Variants in CNIH1 observed in about 807,000 individuals in gnomAD.
CNIH1 encodes the protein protein cornichon homolog 1.
Under a neutral mutation model 20.2 loss-of-function variants are expected in CNIH1, and 12 were observed. The observed-to-expected ratio is 0.59, with a 90% CI of 0.38 to 0.96. The LOEUF is 0.96. CNIH1 is among the 40% of genes least tolerant of loss of function. The pLI, the probability that CNIH1 is intolerant of heterozygous loss-of-function variation, is 0.00. For missense variants in CNIH1, 152 were observed against 178.8 expected (o/e 0.85, Z 0.85); for synonymous variants, 69 against 63.3 (o/e 1.09, Z -0.43).
At chr14:54,430,833 T>G in intron 3 of CNIH1, among the ~76,000 whole-genome samples, 1 of 152,246 alleles carries the variant, frequency 6.6e-6, no homozygotes, top group East Asian at 1.9e-4. Context: ...GTTTTGTTTT[T>G]TTGTTGTTGT....
chr14:54,427,547 G>C lies in CNIH1; in HGVS notation c.*267C>G. 6.6e-6 allele frequency: 3 copies of C among 453,990 alleles called. No individual in the cohort carries two copies. The allele number at this position is 453,990 out of a possible 1,614,324, so 28.1% of individuals were successfully genotyped here. A position where few individuals can be genotyped will look rare whatever the true frequency, so the allele number is the denominator to read the frequency against. On this transcript the variant is annotated 3_prime_UTR_variant, in exon 5 of 5. Coordinates refer to ENST00000216416, the MANE Select transcript of CNIH1 (RefSeq NM_005776.3). ...GGATTATGGCTGTTCCTTAAGAAGT[G>C]CAAGTTCAAACCTGTCAACACCAGA... is the stretch of plus-strand genomic sequence containing the variant.
Position 54,426,058 on chromosome 14 carries a change from G to C in CNIH1, c.*1756C>G, listed in dbSNP as rs1232734742. ...CATGCTGATGTAATCAGGTGGACTGGAAACTGAATGACTGCCTGTGCTCAA... is the reference window on the plus strand; with the variant it reads ...CATGCTGATGTAATCAGGTGGACTGCAAACTGAATGACTGCCTGTGCTCAA... On this transcript the variant is annotated 3_prime_UTR_variant, in exon 5 of 5. Transcript: ENST00000216416. 1 of 152,176 alleles carries C rather than the reference G, an allele frequency of 6.6e-6. No homozygotes were observed. The highest frequency in any genetic ancestry group is 2.4e-5 in the African/African-American group (1 of 41,452). The allele number at this position is 152,176 out of a possible 1,614,324, so 9.4% of individuals were successfully genotyped here.
At chr14:54,431,462 G>A (rs745358266) in intron 3 of CNIH1, among the ~76,000 whole-genome samples, 13 of 152,038 alleles carry the variant, frequency 8.6e-5, no homozygotes, top group Non-Finnish European at 1.6e-4. Context: ...AAAGTCCATT[G>A]TAGACCTGAT....
In CNIH1 at chr14:54,441,322, C is replaced by T. The variant is rs535721168; in HGVS notation, c.6G>A (p.Ala2=). Residue 2 remains alanine (A), a synonymous_variant, in exon 1 of 5, where the codon GCG becomes GCA. Coordinates refer to ENST00000216416, the MANE Select transcript of CNIH1 (RefSeq NM_005776.3). ...TGTAGCAGAAGGCCGCGAACGTGAA[C>T]GCCATGGCTGGGGAGGAGGAGCGGG... The part of the protein sequence containing the change: M[A]FTFAAFCYML... The T allele has an allele frequency of 1.3e-6, 2 of 1,510,080 alleles. No homozygotes were observed. Among genetic ancestry groups the T allele is most frequent in the Admixed American group, 2.1e-5 (1 of 47,746 alleles). 93.5% of individuals were successfully genotyped at this position (1,510,080 alleles called of 1,614,324 possible).
chr14:54,441,247 G>A lies in CNIH1; in HGVS notation c.81C>T (p.His27=), dbSNP rs2031168525. Residue 27 remains histidine (H), a splice_region_variant and synonymous_variant, in exon 1 of 5, where the codon CAC becomes CAT. Coordinates refer to ENST00000216416, the MANE Select transcript of CNIH1 (RefSeq NM_005776.3). The part of the protein sequence containing the change: ...TAALIFFAIW[H]IIAFDELKTD... ...CCTTTCCCCAGCCCCAGCTACTCAC[G>A]TGCCAAATGGCGAAGAAGATGAGCG... 4.0e-6 allele frequency: 6 copies of A among 1,511,338 alleles called. No individual in the cohort carries two copies. The highest frequency in any genetic ancestry group is 1.7e-4 in the Middle Eastern group (1 of 5,730). 93.6% of individuals were successfully genotyped at this position (1,511,338 alleles called of 1,614,324 possible). A position where few individuals can be genotyped will look rare whatever the true frequency, so the allele number is the denominator to read the frequency against.
rs968396787 is a variant in CNIH1 at position 54,426,504 on chromosome 14, C to A, written c.*1310G>T. ...AAACCACTTATTTTATTTTCAACTG[C>A]CTTAACTTCCTCATCCCAAATAAAG... On this transcript the variant is annotated 3_prime_UTR_variant, in exon 5 of 5. Transcript: ENST00000216416. 2 of 152,138 alleles carry A rather than the reference C, an allele frequency of 1.3e-5. No individual in the cohort carries two copies. The highest frequency in any genetic ancestry group is 2.4e-5 in the African/African-American group (1 of 41,448). 9.4% of individuals were successfully genotyped at this position (152,138 alleles called of 1,614,324 possible).
rs2030778992 is a variant in CNIH1 at position 54,424,004 on chromosome 14, T to C, written c.*3810A>G. On this transcript the variant is annotated 3_prime_UTR_variant, in exon 5 of 5. Transcript: ENST00000216416. ...AGTTACTTCTTTTAGACATTTAGCTTTGGAACTTTGAATTTCAAAGTAAAA... is the reference window on the plus strand; with the variant it reads ...AGTTACTTCTTTTAGACATTTAGCTCTGGAACTTTGAATTTCAAAGTAAAA... 1 of 152,196 alleles carries C rather than the reference T, an allele frequency of 6.6e-6. No individual in the cohort carries two copies. Among genetic ancestry groups the C allele is most frequent in the Non-Finnish European group, 1.5e-5 (1 of 68,028 alleles). 9.4% of individuals were successfully genotyped at this position (152,196 alleles called of 1,614,324 possible).
intron 3 of CNIH1, among the ~76,000 whole-genome samples, chr14:54,431,118 C>T (rs2030934174): frequency 6.6e-6 from 1 of 151,902 alleles, no homozygotes; most frequent in Admixed American, 6.6e-5. Flanking sequence ...AGCCACTGTA[C>T]CTGGCCCTGA....
intron 2 of CNIH1, among the ~76,000 whole-genome samples, chr14:54,433,436 C>G (rs2030988650): frequency 2.0e-5 from 3 of 152,138 alleles, no homozygotes; most frequent in Admixed American, 6.5e-5. Context: ...ACACCACTAA[C>G]CAAATATTTT....
chr14:54,435,956 A>G, intron 2 of CNIH1: 2 of 601,728 alleles, frequency 3.3e-6, no homozygotes, highest in Non-Finnish European at 6.0e-6. Flanking sequence ...ATTTCATGAA[A>G]TCATAAACCT....
chr14:54,424,752 G>A lies in CNIH1; in HGVS notation c.*3062C>T, dbSNP rs1457078152. ...GTCGTCAAGGTGAAAACACTGAACT[G>A]GCTTTAAAAGAGACACATACTGCAA... On this transcript the variant is annotated 3_prime_UTR_variant, in exon 5 of 5. Transcript: ENST00000216416. 6.6e-6 allele frequency: 1 copy of A among 152,162 alleles called. No homozygotes were observed. The highest frequency in any genetic ancestry group is 1.5e-5 in the Non-Finnish European group (1 of 68,024). 9.4% of individuals were successfully genotyped at this position (152,162 alleles called of 1,614,324 possible).
intron 2 of CNIH1, 129 bp from the exon 3 acceptor site, chr14:54,432,349 T>A (rs1020344972): frequency 3.1e-5 from 16 of 510,442 alleles, no homozygotes; most frequent in Admixed American, 2.0e-4. Flanking sequence ...AAATAAAAGA[T>A]GCTACTGAGT....
In CNIH1 at chr14:54,423,683, G is replaced by T. The variant is rs2030772633; in HGVS notation, c.*4131C>A. ...GCACCATTAAGGTTAGCTTAGATTT[G>T]AACAAACCATGAGCAGACAGCTAAC... On this transcript the variant is annotated 3_prime_UTR_variant, in exon 5 of 5. Coordinates refer to ENST00000216416, the MANE Select transcript of CNIH1 (RefSeq NM_005776.3). 6.6e-6 allele frequency: 1 copy of T among 152,186 alleles called. No individual in the cohort carries two copies. The highest frequency in any genetic ancestry group is 2.1e-4 in the South Asian group (1 of 4,830). 9.4% of individuals were successfully genotyped at this position (152,186 alleles called of 1,614,324 possible). A position where few individuals can be genotyped will look rare whatever the true frequency, so the allele number is the denominator to read the frequency against.
chr14:54,439,873 A>C (rs895232579), intron 1 of CNIH1, among the ~76,000 whole-genome samples: 1 of 152,118 alleles, frequency 6.6e-6, no homozygotes, highest in Non-Finnish European at 1.5e-5. Context: ...TTTTCATCAG[A>C]GGCCTACTAA....
intron 4 of CNIH1, among the ~76,000 whole-genome samples, chr14:54,429,686 T>C (rs1190291325): frequency 6.6e-6 from 1 of 151,912 alleles, no homozygotes; most frequent in East Asian, 1.9e-4. Context: ...TTGAACTTGG[T>C]GGGGCGGAGG....
chr14:54,439,236 T>C (rs1018220439), intron 1 of CNIH1, among the ~76,000 whole-genome samples: 1 of 152,204 alleles, frequency 6.6e-6, no homozygotes, highest in African/African-American at 2.4e-5. Context: ...ACTAATTCTC[T>C]GAATGAAGAA....
chr14:54,433,118 C>G (rs925322486), intron 2 of CNIH1, among the ~76,000 whole-genome samples: 4 of 152,172 alleles, frequency 2.6e-5, no homozygotes, highest in African/African-American at 9.7e-5. Context: ...AAGATTTCAG[C>G]CTGAGGACTT....
intron 1 of CNIH1, among the ~76,000 whole-genome samples, chr14:54,438,123 G>A (rs938559613): frequency 3.3e-5 from 5 of 152,098 alleles, no homozygotes; most frequent in Non-Finnish European, 7.4e-5. Context: ...GGGACTACAG[G>A]TGCATGCCAC....
At position 54,441,341 on chromosome 14, in the gene CNIH1, G is replaced by A. The variant is rs868538646; in HGVS notation, c.-14C>T. On this transcript the variant is annotated 5_prime_UTR_variant, in exon 1 of 5. Coordinates refer to ENST00000216416, the MANE Select transcript of CNIH1 (RefSeq NM_005776.3). Reference sequence around the variant, plus strand: ...CGTGAACGCCATGGCTGGGGAGGAGGAGCGGGGAGCGGCGCCGTTGCCAGC... The same window carrying A: ...CGTGAACGCCATGGCTGGGGAGGAGAAGCGGGGAGCGGCGCCGTTGCCAGC... 4 of 1,491,182 alleles carry A rather than the reference G, an allele frequency of 2.7e-6. No homozygotes were observed. Among genetic ancestry groups the A allele is most frequent in the South Asian group, 2.5e-5 (2 of 78,818 alleles). The allele number at this position is 1,491,182 out of a possible 1,614,324, so 92.4% of individuals were successfully genotyped here.
Sources: allele counts gnomAD v4.1 joint callset (sites outside exome capture counted in the v4.1 genomes callset), GRCh38; gene constraint gnomAD v4.1.1; transcripts MANE v1.5; gene names NCBI Gene and HGNC (gene_info 2026-07-23, HGNC 2026-07-21).